Variants in SDK1 observed in about 807,000 individuals in gnomAD.
SDK1 encodes sidekick cell adhesion molecule 1.
Under a neutral mutation model 245.5 loss-of-function variants are expected in SDK1, and 157 were observed. That is an observed-to-expected ratio of 0.64 (90% CI 0.56 to 0.73). The LOEUF (loss-of-function observed/expected upper bound fraction) is 0.73, where lower values mean the gene tolerates loss of function less well. Ranked by LOEUF, SDK1 falls within the 30% of genes least tolerant of loss-of-function variation. SDK1 has a pLI of 0.00. For missense variants in SDK1, 3,583 were observed against 3,002.3 expected (o/e 1.19, Z -4.52); for synonymous variants, 1,647 against 1,278.5 (o/e 1.29, Z -6.15).
Position 3,661,035 on chromosome 7 carries a change from C to T in SDK1, c.713+18930C>T, listed in dbSNP as rs114423374. Among the ~76,000 whole-genome samples, 281 of 152,186 alleles carry T rather than the reference C, an allele frequency of 1.8e-3. 2 individuals carry two copies. The highest frequency in any genetic ancestry group is 0.011 in the East Asian group (57 of 5,174). On this transcript the variant is annotated intron_variant, in intron 4 of 44. Coordinates refer to ENST00000404826, the MANE Select transcript of SDK1 (RefSeq NM_152744.4). ...AGAAATTACTTATGTGAAGCCTGTCCGTGTTCATGGTCATTTCAACACCTA... is the reference window on the plus strand; with the variant it reads ...AGAAATTACTTATGTGAAGCCTGTCTGTGTTCATGGTCATTTCAACACCTA...
rs1160075929 is a variant in SDK1 at position 4,210,097 on chromosome 7, C to G, written c.5474C>G (p.Pro1825Arg). 1 of 1,610,698 alleles carries G rather than the reference C, an allele frequency of 6.2e-7. No homozygotes were observed. ...ACGCTCAACGTGTCCTGGGGCGAGC[C>G]TGCGGCGGCCAACGGCATCCTGCAG... ...STTLNVSWGE[P>R]AAANGILQGY... The change falls in exon 38 of 45, where the codon CCT (proline) becomes CGT (arginine). Residue 1825 changes from proline to arginine, a missense_variant. Physicochemically the swap from Pro to Arg is moderately radical, Grantham distance 103. Coordinates refer to ENST00000404826, the MANE Select transcript of SDK1 (RefSeq NM_152744.4).
chr7:3,366,676 G>T (rs1338481534), intron 1 of SDK1, among the ~76,000 whole-genome samples: 1 of 152,024 alleles, frequency 6.6e-6, no homozygotes, highest in African/African-American at 2.4e-5. Flanking sequence ...TTGTCTTTTT[G>T]TCAACTGTTG....
chr7:3,653,240 C>G (rs911061842), intron 4 of SDK1, among the ~76,000 whole-genome samples: 10 of 152,178 alleles, frequency 6.6e-5, no homozygotes, highest in Non-Finnish European at 1.3e-4. Flanking sequence ...CTGAAGTCAT[C>G]CTGTGGGTCA....
intron 12 of SDK1, among the ~76,000 whole-genome samples, chr7:3,971,794 A>T (rs1022683893): frequency 6.6e-5 from 10 of 152,176 alleles, no homozygotes; most frequent in African/African-American, 2.2e-4. Flanking sequence ...TCATGACGTT[A>T]ATGCTGCTTT....
At chr7:3,454,970 TC>T (rs1780627766) in intron 1 of SDK1, among the ~76,000 whole-genome samples, 1 of 152,248 alleles carries the variant, frequency 6.6e-6, no homozygotes, top group African/African-American at 2.4e-5. Flanking sequence ...GTACCGTTTC[TC>T]TGTATCCTTG....
At chr7:3,802,462 G>A (rs1322018596) in intron 4 of SDK1, among the ~76,000 whole-genome samples, 5 of 152,038 alleles carry the variant, frequency 3.3e-5, no homozygotes, top group Non-Finnish European at 4.4e-5. Context: ...TTGAACCAGG[G>A]AGGTCAAGGC....
rs1232420401 is a variant in SDK1 at position 4,150,147 on chromosome 7, A to C, written c.4625+684A>C. On this transcript the variant is annotated intron_variant, in intron 30 of 44. Transcript: ENST00000404826. ...AACTGCCACAGTCACACAGATGGGC[A>C]TCCCAGGGCTTAGAAGCCACCCCAG... Among the ~76,000 whole-genome samples the C allele has an allele frequency of 3.9e-5, 6 of 152,196 alleles. No homozygotes were observed. In the East Asian group the frequency reaches 1.2e-3, roughly 30 times the overall value.
chr7:3,428,496 TTTATG>T lies in SDK1; in HGVS notation c.298+126617_298+126621del, dbSNP rs60683539. Among the ~76,000 whole-genome samples the T allele has an allele frequency of 9.1e-3, 1,382 of 152,302 alleles. 26 individuals carry two copies. The highest frequency in any genetic ancestry group is 0.031 in the African/African-American group (1,302 of 41,556). On this transcript the variant is annotated intron_variant, in intron 1 of 44. Transcript: ENST00000404826. Reference sequence around the variant, plus strand: ...CATAACTTTTCAAATATCTTTGATATTTATGTTATAAGGAGGCACAATCTGTCTCT... The same window carrying T: ...CATAACTTTTCAAATATCTTTGATATTTATAAGGAGGCACAATCTGTCTCT...
At chr7:3,546,591 G>A (rs1018268338) in intron 1 of SDK1, among the ~76,000 whole-genome samples, 2 of 152,206 alleles carry the variant, frequency 1.3e-5, no homozygotes, top group Non-Finnish European at 1.5e-5. Flanking sequence ...CACATGCCAA[G>A]CACCAAAATG....
At chr7:4,239,226 C>T (rs1786373474) in intron 42 of SDK1, among the ~76,000 whole-genome samples, 1 of 152,184 alleles carries the variant, frequency 6.6e-6, no homozygotes, top group Non-Finnish European at 1.5e-5. Context: ...GACCTTGTGA[C>T]TCCATTTACA....
rs57534967 is a variant in SDK1 at position 3,904,096 on chromosome 7, A to G, written c.848-46827A>G. Among the ~76,000 whole-genome samples the G allele has an allele frequency of 5.7e-3, 862 of 152,312 alleles. 11 individuals are homozygous for G. The highest frequency in any genetic ancestry group is 0.02 in the African/African-American group (823 of 41,566). On this transcript the variant is annotated intron_variant, in intron 5 of 44. Transcript: ENST00000404826. ...CTTTATAAACCACCCAGTCTCAGGT[A>G]TTCTGTTAAAGTAACACAAAACAGA... is the stretch of plus-strand genomic sequence containing the variant.
intron 5 of SDK1, among the ~76,000 whole-genome samples, chr7:3,926,554 TG>T (rs1779776156): frequency 6.6e-6 from 1 of 151,100 alleles, no homozygotes; most frequent in African/African-American, 2.4e-5. Flanking sequence ...CTGACTTCTT[TG>T]GGCGCAGGTG....
At chr7:3,435,470 A>G (rs1779995581) in intron 1 of SDK1, among the ~76,000 whole-genome samples, 2 of 151,044 alleles carry the variant, frequency 1.3e-5, no homozygotes, top group South Asian at 2.1e-4. Context: ...AGCTGGGACT[A>G]CAGGCACAGA....
intron 1 of SDK1, among the ~76,000 whole-genome samples, chr7:3,593,471 A>G (rs773195961): frequency 1.3e-5 from 2 of 152,178 alleles, no homozygotes; most frequent in African/African-American, 2.4e-5. Context: ...TCATCTTTGT[A>G]TACTTCTACT....
chr7:3,615,995 C>G (rs1363733904), intron 1 of SDK1, among the ~76,000 whole-genome samples: 1 of 152,050 alleles, frequency 6.6e-6, no homozygotes, highest in Non-Finnish European at 1.5e-5. Flanking sequence ...AGTAATCCCT[C>G]CACCTCAGCT....
chr7:4,170,042 C>T (rs970029541), intron 32 of SDK1, among the ~76,000 whole-genome samples: 2 of 152,144 alleles, frequency 1.3e-5, no homozygotes, highest in South Asian at 2.1e-4. Context: ...TCTCACATAC[C>T]GACTTTTCCA....
At chr7:3,708,074 G>A (rs1784942745) in intron 4 of SDK1, among the ~76,000 whole-genome samples, 1 of 152,112 alleles carries the variant, frequency 6.6e-6, no homozygotes, top group African/African-American at 2.4e-5. Flanking sequence ...TCAGCTTCTG[G>A]GGAGGCCTCA....
intron 5 of SDK1, among the ~76,000 whole-genome samples, chr7:3,871,529 T>G (rs1387067783): frequency 6.6e-6 from 1 of 152,210 alleles, no homozygotes; most frequent in Non-Finnish European, 1.5e-5. Flanking sequence ...TGGCTCATGG[T>G]TCTGTAGGCT....
chr7:3,834,514 G>T (rs1250592869), intron 5 of SDK1, among the ~76,000 whole-genome samples: 1 of 152,302 alleles, frequency 6.6e-6, no homozygotes, highest in African/African-American at 2.4e-5. Flanking sequence ...TTTCTTTCAC[G>T]TATGGAGGGA....
Sources: gnomAD v4.1 joint callset for allele counts (sites outside exome capture counted in the v4.1 genomes callset) on GRCh38, gnomAD v4.1.1 for gene constraint, MANE v1.5 for transcripts, NCBI Gene and HGNC (gene_info 2026-07-23, HGNC 2026-07-21) for gene names.